Variants in PTPRK observed in about 807,000 individuals in gnomAD.
The protein encoded by PTPRK is receptor-type tyrosine-protein phosphatase kappa.
Under a neutral mutation model 178.0 loss-of-function variants are expected in PTPRK, and 75 were observed. The ratio of observed to expected loss-of-function variants is 0.42; its 90% CI spans 0.35 to 0.51. The LOEUF is 0.51. Among genes scored for constraint, PTPRK ranks in the 20% least tolerant of loss-of-function variants. The pLI, the probability that PTPRK is intolerant of heterozygous loss-of-function variation, is 0.02. For synonymous variants in PTPRK, 637 were observed against 620.6 expected (o/e 1.03, Z -0.39); for missense variants, 1,441 against 1,797.8 (o/e 0.80, Z 3.59).
At chr6:128,091,007 T>C (rs1786832244) in intron 7 of PTPRK, among the ~76,000 whole-genome samples, 4 of 152,184 alleles carry the variant, frequency 2.6e-5, no homozygotes, top group Admixed American at 2.6e-4. Flanking sequence ...AATTTTTGTT[T>C]TTGAGATTAA....
chr6:128,192,025 T>C (rs569943655), intron 6 of PTPRK, among the ~76,000 whole-genome samples: 78 of 152,312 alleles, frequency 5.1e-4, no homozygotes, highest in African/African-American at 1.8e-3. Flanking sequence ...CTGATAACAG[T>C]ATTTTTGGAA....
Position 128,067,551 on chromosome 6 carries a change from T to A in PTPRK, c.2125A>T (p.Ile709Phe). Residue 709 changes from isoleucine (I) to phenylalanine (F), a missense_variant, in exon 12 of 30, where the codon ATC (isoleucine) becomes TTC (phenylalanine). By Grantham distance (21) the Ile-to-Phe change is conservative. Coordinates refer to ENST00000368226, the MANE Select transcript of PTPRK (RefSeq NM_002844.4). ...ACACTGCTCATCGCCTGGAAATAGA[T>A]GTTGTATCCTTTGCGCGGAGCCAAA... is the stretch of plus-strand genomic sequence containing the variant. ...PPLAPRKGYN[I>F]YFQAMSSVEK... 1 of 1,585,682 alleles carries A rather than the reference T, an allele frequency of 6.3e-7. No homozygotes were observed. The highest frequency in any genetic ancestry group is 8.6e-7 in the Non-Finnish European group (1 of 1,161,136).
At chr6:128,022,119 C>G (rs910355406) in intron 13 of PTPRK, among the ~76,000 whole-genome samples, 9 of 152,136 alleles carry the variant, frequency 5.9e-5, no homozygotes, top group African/African-American at 2.2e-4. Context: ...GTTTGGAAAA[C>G]AGAGTTTTAC....
At chr6:128,144,747 G>A (rs926696903) in intron 7 of PTPRK, among the ~76,000 whole-genome samples, 3 of 152,006 alleles carry the variant, frequency 2.0e-5, no homozygotes, top group Admixed American at 2.0e-4. Flanking sequence ...AATTATACTT[G>A]CCACAAAGTA....
At chr6:128,060,260 A>G (rs1780587702) in intron 13 of PTPRK, among the ~76,000 whole-genome samples, 1 of 152,158 alleles carries the variant, frequency 6.6e-6, no homozygotes, top group Non-Finnish European at 1.5e-5. Context: ...ATGCTTGAGA[A>G]CTATAAAAAT....
chr6:128,387,000 G>C (rs185625061), intron 2 of PTPRK, among the ~76,000 whole-genome samples: 1 of 152,094 alleles, frequency 6.6e-6, no homozygotes, highest in Non-Finnish European at 1.5e-5. Flanking sequence ...CCCAGGAGGC[G>C]AAGGTTGCAG....
chr6:127,985,514 A>G (rs950510685), intron 22 of PTPRK, among the ~76,000 whole-genome samples: 5 of 152,212 alleles, frequency 3.3e-5, no homozygotes, highest in African/African-American at 1.2e-4. Flanking sequence ...CACTACACGC[A>G]TTAGGATGAA....
intron 11 of PTPRK, among the ~76,000 whole-genome samples, chr6:128,076,401 C>G (rs1186820026): frequency 6.6e-6 from 1 of 151,898 alleles, no homozygotes; most frequent in Admixed American, 6.6e-5. Flanking sequence ...CTTGACTAGA[C>G]CATTCTGGTC....
intron 21 of PTPRK, 73 bp from the exon 22 acceptor site, chr6:127,985,948 T>C: frequency 6.7e-7 from 1 of 1,492,588 alleles, no homozygotes; most frequent in Admixed American, 1.8e-5. Flanking sequence ...AACACAATTA[T>C]GGGTACAGAC....
intron 1 of PTPRK, among the ~76,000 whole-genome samples, chr6:128,438,027 C>G (rs150989454): frequency 1.3e-5 from 2 of 152,228 alleles, no homozygotes; most frequent in Non-Finnish European, 2.9e-5. Context: ...TCCCCATATA[C>G]GGGTTTCCCA....
At chr6:128,078,984 T>C (rs745559392) in intron 10 of PTPRK, 66 bp from the exon 11 acceptor site, 1 of 1,057,282 alleles carries the variant, frequency 9.5e-7, no homozygotes, top group Admixed American at 1.9e-5. Flanking sequence ...CAGGTCAGAA[T>C]GAACAGACAA....
At chr6:128,156,322 T>C (rs1457049438) in intron 7 of PTPRK, among the ~76,000 whole-genome samples, 3 of 151,876 alleles carry the variant, frequency 2.0e-5, no homozygotes, top group Admixed American at 1.3e-4. Flanking sequence ...CACATTGCTA[T>C]AAAGAACTAC....
chr6:128,341,516 G>C (rs1202111889), intron 2 of PTPRK, among the ~76,000 whole-genome samples: 1 of 152,080 alleles, frequency 6.6e-6, no homozygotes, highest in Non-Finnish European at 1.5e-5. Flanking sequence ...TAATTTTTGT[G>C]AAAGAAAATC....
intron 3 of PTPRK, among the ~76,000 whole-genome samples, chr6:128,266,463 A>G (rs1272726471): frequency 6.6e-6 from 1 of 152,148 alleles, no homozygotes; most frequent in Non-Finnish European, 1.5e-5. Flanking sequence ...TTTTAAAAGA[A>G]TAAGTTTACG....
At chr6:128,380,539 T>TAC (rs59409813) in intron 2 of PTPRK, among the ~76,000 whole-genome samples, 127,319 of 145,866 alleles carry the variant, frequency 0.87, 56,341 homozygotes, top group East Asian at 0.99. Flanking sequence ...CACACAGACA[T>TAC]ACACACACAC....
intron 11 of PTPRK, 29 bp from the exon 12 acceptor site, chr6:128,067,821 A>T: frequency 6.5e-7 from 1 of 1,532,956 alleles, no homozygotes; most frequent in Non-Finnish European, 8.8e-7. Context: ...AAGAACACAC[A>T]TATATATACA....
chr6:128,396,310 A>G (rs1051031187), intron 2 of PTPRK, among the ~76,000 whole-genome samples: 20 of 148,656 alleles, frequency 1.3e-4, no homozygotes, highest in African/African-American at 4.6e-4. Context: ...CATTAATTAT[A>G]TTATATATTA....
chr6:128,492,370 T>C (rs1157815183), intron 1 of PTPRK, among the ~76,000 whole-genome samples: 1 of 152,204 alleles, frequency 6.6e-6, no homozygotes, highest in African/African-American at 2.4e-5. Flanking sequence ...TTATGGGATA[T>C]ATCATACTGT....
At chr6:128,374,829 A>T (rs1209796915) in intron 2 of PTPRK, among the ~76,000 whole-genome samples, 2 of 152,052 alleles carry the variant, frequency 1.3e-5, no homozygotes. Flanking sequence ...ATATACAATC[A>T]GTCCCCTATT....
Sources: gnomAD v4.1 joint callset for allele counts (sites outside exome capture counted in the v4.1 genomes callset) on GRCh38, gnomAD v4.1.1 for gene constraint, MANE v1.5 for transcripts, NCBI Gene and HGNC (gene_info 2026-07-23, HGNC 2026-07-21) for gene names.